SLC44A5: variants seen among roughly 807,000 people sequenced by gnomAD.
SLC44A5 encodes the protein solute carrier family 44 member 5.
Under a neutral mutation model 101.8 loss-of-function variants are expected in SLC44A5, and 57 were observed. The ratio of observed to expected loss-of-function variants is 0.56; its 90% confidence interval spans 0.45 to 0.70. The LOEUF (loss-of-function observed/expected upper bound fraction) is 0.70. SLC44A5 is among the 30% of genes least tolerant of loss of function. The probability of loss-of-function intolerance (pLI) is 0.00; values close to 1 mark genes in which losing one functional copy is unlikely to be tolerated. For synonymous variants in SLC44A5, 281 were observed against 290.9 expected, an observed-to-expected ratio of 0.97 and a Z score of 0.35; for missense variants, 737 against 853.1, an observed-to-expected ratio of 0.86 and a Z score of 1.70.
At chr1:75,305,883 C>G (rs1654861091) in intron 4 of SLC44A5, among the ~76,000 whole-genome samples, 1 of 152,180 alleles carries the variant, frequency 6.6e-6, no homozygotes, top group Non-Finnish European at 1.5e-5. Context: ...CCCCGTAGAC[C>G]TAGGGAACTT....
At chr1:75,540,005 G>A (rs1456559042) in intron 2 of SLC44A5, among the ~76,000 whole-genome samples, 1 of 152,198 alleles carries the variant, frequency 6.6e-6, no homozygotes, top group Admixed American at 6.5e-5. Flanking sequence ...TTTCCCTTAC[G>A]GTATTGTTAG....
intron 12 of SLC44A5, among the ~76,000 whole-genome samples, chr1:75,228,299 T>C (rs1647275098): frequency 1.3e-5 from 2 of 152,300 alleles, no homozygotes; most frequent in Middle Eastern, 3.4e-3. Flanking sequence ...GGCATATTTT[T>C]AGTGAACTAA....
intron 2 of SLC44A5, among the ~76,000 whole-genome samples, chr1:75,493,057 A>T (rs752126319): frequency 1.2e-4 from 19 of 152,242 alleles, no homozygotes; most frequent in Non-Finnish European, 2.6e-4. Context: ...AAGAGTCCTG[A>T]ATGCATTAGA....
chr1:75,572,849 G>A (rs1029446188), intron 1 of SLC44A5, among the ~76,000 whole-genome samples: 4 of 151,904 alleles, frequency 2.6e-5, no homozygotes, highest in East Asian at 3.9e-4. Flanking sequence ...ATGGCCAGGC[G>A]CAGTGGCTCA....
chr1:75,290,783 A>G (rs912385631), intron 5 of SLC44A5, among the ~76,000 whole-genome samples: 1 of 152,208 alleles, frequency 6.6e-6, no homozygotes, highest in Non-Finnish European at 1.5e-5. Flanking sequence ...CATATTCTGA[A>G]CAAGTGACCA....
intron 6 of SLC44A5, among the ~76,000 whole-genome samples, chr1:75,262,334 C>T (rs1650592367): frequency 1.3e-5 from 2 of 152,042 alleles, no homozygotes; most frequent in African/African-American, 4.8e-5. Flanking sequence ...CATTCCTATA[C>T]ACCAAGAACA....
chr1:75,316,025 C>T (rs1008772534), intron 4 of SLC44A5, among the ~76,000 whole-genome samples: 2 of 152,224 alleles, frequency 1.3e-5, no homozygotes, highest in African/African-American at 4.8e-5. Context: ...CAGACAGCGT[C>T]TTGCCCTTTT....
Position 75,251,235 on chromosome 1 carries a change from A to G in SLC44A5, c.320T>C (p.Leu107Pro), listed in dbSNP as rs767571314. 29 of 1,613,556 alleles carry G rather than the reference A, an allele frequency of 1.8e-5. No homozygotes were observed. Among genetic ancestry groups the G allele is most frequent in the Non-Finnish European group, 2.5e-5 (29 of 1,179,574 alleles). The change falls in exon 7 of 24, where the codon CTA becomes CCA. Residue 107 changes from leucine to proline, a missense_variant. By Grantham distance (98) the Leu-to-Pro change is moderately conservative. Transcript: ENST00000370859. ...LLRCTSPSVL[L>P]NLQCPTTQIC... The stretch of plus-strand genomic sequence containing the variant: ...CTGTGTGGTAGGGCACTGTAGGTTT[A>G]GCAACACGGAGGGACTGGTACAGCG...
chr1:75,587,066 T>C (rs527978625), intron 1 of SLC44A5, among the ~76,000 whole-genome samples: 2 of 152,278 alleles, frequency 1.3e-5, no homozygotes, highest in South Asian at 4.1e-4. Context: ...CATTTTTGTA[T>C]GTCACAACTG....
chr1:75,664,635 C>T, the SLC44A5 span, among the ~76,000 whole-genome samples: 1 of 151,970 alleles, frequency 6.6e-6, no homozygotes, highest in Non-Finnish European at 1.5e-5. Context: ...AAGAGAACTA[C>T]AAAACACGAT....
At chr1:75,594,209 C>T (rs1183509519) in intron 1 of SLC44A5, among the ~76,000 whole-genome samples, 1 of 151,914 alleles carries the variant, frequency 6.6e-6, no homozygotes, top group East Asian at 1.9e-4. Context: ...AAAAATTATA[C>T]TGAGCCCAAG....
intron 1 of SLC44A5, among the ~76,000 whole-genome samples, chr1:75,570,941 C>A (rs1269795934): frequency 1.3e-5 from 2 of 152,094 alleles, no homozygotes; most frequent in Admixed American, 1.3e-4. Flanking sequence ...CAGAGGATGC[C>A]GGTCAAGAAA....
At chr1:75,365,807 T>C (rs1659818228) in intron 3 of SLC44A5, among the ~76,000 whole-genome samples, 1 of 152,140 alleles carries the variant, frequency 6.6e-6, no homozygotes, top group Non-Finnish European at 1.5e-5. Flanking sequence ...CTGCTAGAGG[T>C]TTTTTTCCTC....
intron 3 of SLC44A5, among the ~76,000 whole-genome samples, chr1:75,380,395 T>C (rs1196124078): frequency 1.2e-5 from 1 of 84,704 alleles, no homozygotes; most frequent in Non-Finnish European, 2.1e-5. Flanking sequence ...GGTTATTAGC[T>C]CTTCAATTCC....
the SLC44A5 span, among the ~76,000 whole-genome samples, chr1:75,674,443 G>A: frequency 1.2e-4 from 18 of 151,884 alleles, no homozygotes; most frequent in South Asian, 4.2e-4. Flanking sequence ...GCAATGGCAC[G>A]ATCTCAGCTC....
the SLC44A5 span, among the ~76,000 whole-genome samples, chr1:75,694,122 C>T: frequency 6.6e-6 from 1 of 150,504 alleles, no homozygotes; most frequent in Non-Finnish European, 1.5e-5. Flanking sequence ...GAAAGGCAAA[C>T]GTTGATGTAG....
the SLC44A5 span, among the ~76,000 whole-genome samples, chr1:75,675,825 C>A: frequency 6.6e-6 from 1 of 151,992 alleles, no homozygotes; most frequent in African/African-American, 2.4e-5. Flanking sequence ...GTCTAATATC[C>A]AGAATCTACA....
intron 2 of SLC44A5, among the ~76,000 whole-genome samples, chr1:75,430,689 G>T (rs1357692929): frequency 2.0e-5 from 3 of 152,200 alleles, no homozygotes; most frequent in African/African-American, 7.2e-5. Context: ...CATCCCCAGA[G>T]AATCTGACTC....
At chr1:75,666,618 T>A in the SLC44A5 span, among the ~76,000 whole-genome samples, 1 of 152,022 alleles carries the variant, frequency 6.6e-6, no homozygotes, top group South Asian at 2.1e-4. Context: ...ATACCAAAAC[T>A]GGGCAGAGAC....
Sources: gnomAD v4.1 joint callset for allele counts (sites outside exome capture counted in the v4.1 genomes callset) on GRCh38, gnomAD v4.1.1 for gene constraint, MANE v1.5 for transcripts, NCBI Gene and HGNC (gene_info 2026-07-23, HGNC 2026-07-21) for gene names.